The following AK2 variants were observed in gnomAD, a reference collection of about 807,000 sequenced individuals.
AK2 encodes the protein adenylate kinase 2, mitochondrial.
A neutral mutation model predicts 24.6 loss-of-function variants in AK2; 15 were observed. The ratio of observed to expected loss-of-function variants is 0.61; its 90% CI spans 0.41 to 0.94. AK2 has a LOEUF of 0.94. AK2 is among the 40% of genes least tolerant of loss of function. The pLI is 0.00. For missense variants in AK2, 257 were observed against 304.1 expected (o/e 0.85, Z 1.15); for synonymous variants, 102 against 114.0 (o/e 0.90, Z 0.67).
chr1:33,011,239 AAGATTC>A lies in AK2; in HGVS notation c.*1936_*1941del. ...CCCTAGTTAAAGGGGAGCTGATTCT[AAGATTC>A]ATGATGCCACTGTCACCCAGAGAAG... On this transcript the variant is annotated 3_prime_UTR_variant, in exon 6 of 6. Coordinates refer to ENST00000672715, the MANE Select transcript of AK2 (RefSeq NM_001625.4). The A allele has an allele frequency of 7.7e-7, 1 of 1,302,410 alleles. No homozygotes were observed. Among genetic ancestry groups the A allele is most frequent in the Non-Finnish European group, 1.0e-6 (1 of 999,264 alleles). The allele number at this position is 1,302,410 out of a possible 1,614,324, so 80.7% of individuals were successfully genotyped here.
intron 4 of AK2, among the ~76,000 whole-genome samples, chr1:33,016,966 A>T (rs1419412409): frequency 4.0e-5 from 6 of 151,416 alleles, no homozygotes; most frequent in Non-Finnish European, 5.9e-5. Context: ...CGGCCTCCCA[A>T]AGTGTTAGGA....
intron 4 of AK2, 56 bp from the exon 5 acceptor site, chr1:33,014,650 C>G (rs770876157): frequency 4.4e-5 from 63 of 1,447,546 alleles, no homozygotes; most frequent in Non-Finnish European, 6.1e-5. Flanking sequence ...CGCCTGCACT[C>G]CACTCTAGGG....
rs780348453 is a variant in AK2, at chr1:33,013,071, A to G, written c.*110T>C. 1.2e-6 allele frequency: 2 copies of G among 1,607,184 alleles called. No homozygotes were observed. The highest frequency in any genetic ancestry group is 1.7e-6 in the Non-Finnish European group (2 of 1,179,758). ...CATCAAGCAAGTGCTTTTTTAATCA[A>G]TACATCAAATGATATTTTTGCTAGC... On this transcript the variant is annotated 3_prime_UTR_variant, in exon 6 of 6. Coordinates refer to ENST00000672715, the MANE Select transcript of AK2 (RefSeq NM_001625.4).
intron 4 of AK2, among the ~76,000 whole-genome samples, chr1:33,020,681 C>A (rs1639483666): frequency 6.6e-6 from 1 of 151,688 alleles, no homozygotes; most frequent in African/African-American, 2.4e-5. Context: ...CCTGTCTCTA[C>A]TAAAACTACA....
chr1:33,012,137 G>A lies in AK2; in HGVS notation c.*1044C>T. ...AGATGATCAGCCTGGATGTTCAGAA[G>A]ACAATCTGAATTCAAAAGGACCTTT... On this transcript the variant is annotated 3_prime_UTR_variant, in exon 6 of 6. Coordinates refer to ENST00000672715, the MANE Select transcript of AK2 (RefSeq NM_001625.4). 1 of 1,535,458 alleles carries A rather than the reference G, an allele frequency of 6.5e-7. No individual in the cohort carries two copies. Among genetic ancestry groups the A allele is most frequent in the East Asian group, 2.4e-5 (1 of 40,910 alleles).
At chr1:33,029,017 T>C (rs893265134) in intron 1 of AK2, among the ~76,000 whole-genome samples, 1 of 152,204 alleles carries the variant, frequency 6.6e-6, no homozygotes, top group African/African-American at 2.4e-5. Flanking sequence ...CATTACCTTT[T>C]CTAAGGTCTC....
At chr1:33,031,819 C>CA (rs937629356) in intron 1 of AK2, 12 of 369,588 alleles carry the variant, frequency 3.2e-5, no homozygotes, top group African/African-American at 1.9e-4. Flanking sequence ...GAGGGGTTGG[C>CA]AAAAAAACCA....
Position 33,011,119 on chromosome 1 carries a change from T to C in AK2, c.*2062A>G. ...CATGTTGTATGCACACGTGAATCTA[T>C]GTGGACGGATGACAAATATTTGGGC... is the stretch of plus-strand genomic sequence containing the variant. On this transcript the variant is annotated 3_prime_UTR_variant, in exon 6 of 6. Coordinates refer to ENST00000672715, the MANE Select transcript of AK2 (RefSeq NM_001625.4). The C allele has an allele frequency of 7.1e-7, 1 of 1,412,932 alleles. No homozygotes were observed. Among genetic ancestry groups the C allele is most frequent in the South Asian group, 1.5e-5 (1 of 67,590 alleles). 87.5% of individuals were successfully genotyped at this position (1,412,932 alleles called of 1,614,324 possible).
Position 33,008,410 on chromosome 1 carries a change from C to T in AK2, c.*4771G>A, listed in dbSNP as rs1432135957. The T allele has an allele frequency of 4.4e-6, 2 of 454,114 alleles. No individual in the cohort carries two copies. The highest frequency in any genetic ancestry group is 1.6e-5 in the South Asian group (1 of 64,480). The allele number at this position is 454,114 out of a possible 1,614,324, so 28.1% of individuals were successfully genotyped here. A position where few individuals can be genotyped will look rare whatever the true frequency, so the allele number is the denominator to read the frequency against. On this transcript the variant is annotated 3_prime_UTR_variant, in exon 6 of 6. Transcript: ENST00000672715. ...CCATCCTGCTGTGTTCTGTCAGTGA[C>T]ACTTTGTGCACACAGGAGATCCTAA...
At chr1:33,016,697 ATTTAT>A (rs869127332) in intron 4 of AK2, among the ~76,000 whole-genome samples, 4 of 151,298 alleles carry the variant, frequency 2.6e-5, no homozygotes, top group Admixed American at 6.6e-5. Context: ...TATTTAATTA[ATTTAT>A]TTTATTTTAT....
chr1:33,012,852 C>A lies in AK2; in HGVS notation c.*329G>T. On this transcript the variant is annotated 3_prime_UTR_variant, in exon 6 of 6. Coordinates refer to ENST00000672715, the MANE Select transcript of AK2 (RefSeq NM_001625.4). ...GGCAGAGGTTGCCGTGAGCCAAGAT[C>A]ACGCCACTGCACTCCAGCCAGGGTG... is the stretch of plus-strand genomic sequence containing the variant. 7.7e-7 allele frequency: 1 copy of A among 1,295,250 alleles called. No individual in the cohort carries two copies. The highest frequency in any genetic ancestry group is 1.0e-6 in the Non-Finnish European group (1 of 990,616). The allele number at this position is 1,295,250 out of a possible 1,614,324, so 80.2% of individuals were successfully genotyped here. A position where few individuals can be genotyped will look rare whatever the true frequency, so the allele number is the denominator to read the frequency against.
rs770073662 is a variant in AK2 at position 33,013,195 on chromosome 1, C to A, written c.706G>T (p.Val236Phe). The change falls in exon 6 of 6, where the codon GTT becomes TTT. Residue 236 changes from valine to phenylalanine, a missense_variant. Transcript: ENST00000672715. Reference protein sequence around the residue: ...AFSKATCKDLVMFI With the variant: ...AFSKATCKDLFMFI ...TGGACCCAACATTAGATAAACATAACCAAGTCTTTACATGTGGCTTTGGAG... is the reference window on the plus strand; with the variant it reads ...TGGACCCAACATTAGATAAACATAAACAAGTCTTTACATGTGGCTTTGGAG... 13 of 1,614,092 alleles carry A rather than the reference C, an allele frequency of 8.1e-6. No homozygotes were observed. The highest frequency in any genetic ancestry group is 1.1e-5 in the South Asian group (1 of 91,088).
chr1:33,022,222 G>GT (rs1243181568), intron 2 of AK2, among the ~76,000 whole-genome samples: 5 of 152,034 alleles, frequency 3.3e-5, no homozygotes, highest in African/African-American at 1.2e-4. Context: ...TAACAGTAAC[G>GT]TGACTGATGT....
Position 33,011,228 on chromosome 1 carries a change from G to A in AK2, c.*1953C>T. Reference sequence around the variant, plus strand: ...CTTACAATTGTCCCTAGTTAAAGGGGAGCTGATTCTAAGATTCATGATGCC... The same window carrying A: ...CTTACAATTGTCCCTAGTTAAAGGGAAGCTGATTCTAAGATTCATGATGCC... On this transcript the variant is annotated 3_prime_UTR_variant, in exon 6 of 6. Coordinates refer to ENST00000672715, the MANE Select transcript of AK2 (RefSeq NM_001625.4). 2 of 1,306,528 alleles carry A rather than the reference G, an allele frequency of 1.5e-6. No individual in the cohort carries two copies. The highest frequency in any genetic ancestry group is 2.0e-6 in the Non-Finnish European group (2 of 1,002,214). The allele number at this position is 1,306,528 out of a possible 1,614,324, so 80.9% of individuals were successfully genotyped here.
rs1476031738 is a variant in AK2 at position 33,009,794 on chromosome 1, TA to T, written c.*3386del. The T allele has an allele frequency of 2.2e-6, 1 of 454,332 alleles. No individual in the cohort carries two copies. The highest frequency in any genetic ancestry group is 2.0e-5 in the African/African-American group (1 of 49,982). 28.1% of individuals were successfully genotyped at this position (454,332 alleles called of 1,614,324 possible). A position where few individuals can be genotyped will look rare whatever the true frequency, so the allele number is the denominator to read the frequency against. ...GTTGCAGGCTTATCTCATATGCACA[TA>T]CTTGGACCTCCCTACCACACAGCTG... is the stretch of plus-strand genomic sequence containing the variant. On this transcript the variant is annotated 3_prime_UTR_variant, in exon 6 of 6. Transcript: ENST00000672715.
rs1003961 is a variant in AK2, at chr1:33,009,826, G to A, written c.*3355C>T. The A allele has an allele frequency of 1.1e-5, 5 of 454,386 alleles. 1 individual carries two copies. Among genetic ancestry groups the A allele is most frequent in the Admixed American group, 7.1e-5 (3 of 42,548 alleles). 28.1% of individuals were successfully genotyped at this position (454,386 alleles called of 1,614,324 possible). ...ACCTCCCTACCACACAGCTGCCAGC[G>A]ACAAGAAAGGGCTTCTTTTCCTTCC... is the stretch of plus-strand genomic sequence containing the variant. On this transcript the variant is annotated 3_prime_UTR_variant, in exon 6 of 6. Transcript: ENST00000672715.
In AK2 at chr1:33,009,974, C is replaced by G. The variant is rs1557604379; in HGVS notation, c.*3207G>C. On this transcript the variant is annotated 3_prime_UTR_variant, in exon 6 of 6. Transcript: ENST00000672715. ...GGGGCCAAACAAGGCAGCATTTGGT[C>G]AGTTAAGAAAGGCACCTCATTGAAA... 1 of 346,646 alleles carries G rather than the reference C, an allele frequency of 2.9e-6. No individual in the cohort carries two copies. Among genetic ancestry groups the G allele is most frequent in the Non-Finnish European group, 5.7e-6 (1 of 176,908 alleles). 21.5% of individuals were successfully genotyped at this position (346,646 alleles called of 1,614,324 possible).
chr1:33,011,656 G>A lies in AK2; in HGVS notation c.*1525C>T. On this transcript the variant is annotated 3_prime_UTR_variant, in exon 6 of 6. Coordinates refer to ENST00000672715, the MANE Select transcript of AK2 (RefSeq NM_001625.4). ...CTGGATCTGCCACTGACTTTCTAAT[G>A]GTTTTTCCAGAGGCTGCCGTTTTTG... 1 of 1,296,168 alleles carries A rather than the reference G, an allele frequency of 7.7e-7. No individual in the cohort carries two copies. The highest frequency in any genetic ancestry group is 1.2e-5 in the South Asian group (1 of 81,002). The allele number at this position is 1,296,168 out of a possible 1,614,324, so 80.3% of individuals were successfully genotyped here. A position where few individuals can be genotyped will look rare whatever the true frequency, so the allele number is the denominator to read the frequency against.
At chr1:33,032,034 T>C (rs28546883) in intron 1 of AK2, 3 of 205,202 alleles carry the variant, frequency 1.5e-5, no homozygotes, top group South Asian at 1.4e-4. Flanking sequence ...ATTATTTCAG[T>C]CATGCAACAT....
Sources: allele counts gnomAD v4.1 joint callset (sites outside exome capture counted in the v4.1 genomes callset), GRCh38; gene constraint gnomAD v4.1.1; transcripts MANE v1.5; gene names NCBI Gene and HGNC (gene_info 2026-07-23, HGNC 2026-07-21).